The following CPNE4 variants were observed in gnomAD, a reference collection of about 807,000 sequenced individuals.
CPNE4 encodes the protein copine-4.
Under a neutral mutation model 67.9 loss-of-function variants are expected in CPNE4, and 25 were observed. The observed-to-expected ratio is 0.37, with a 90% CI of 0.27 to 0.51. The LOEUF (loss-of-function observed/expected upper bound fraction) is 0.51, where lower values mean the gene tolerates loss of function less well. Ranked by LOEUF, CPNE4 falls within the 20% of genes least tolerant of loss-of-function variation. The pLI is 0.93. For missense variants in CPNE4, 464 were observed against 690.8 expected (o/e 0.67, Z 3.68); for synonymous variants, 242 against 244.9 (o/e 0.99, Z 0.11).
intron 2 of CPNE4, among the ~76,000 whole-genome samples, chr3:131,812,769 T>C (rs1024785086): frequency 1.3e-5 from 2 of 152,106 alleles, no homozygotes; most frequent in African/African-American, 4.8e-5. Flanking sequence ...TCAGGAGCCA[T>C]GGAAGAGTTA....
chr3:131,785,292 CA>C (rs2083528194), intron 2 of CPNE4, among the ~76,000 whole-genome samples: 1 of 152,102 alleles, frequency 6.6e-6, no homozygotes. Flanking sequence ...TTGCTATCCT[CA>C]AACATACAAG....
intron 1 of CPNE4, among the ~76,000 whole-genome samples, chr3:131,940,579 A>T (rs2071357195): frequency 1.3e-5 from 2 of 152,152 alleles, no homozygotes. Flanking sequence ...TAAAAAAATT[A>T]GTCGGGTGTA....
Position 131,995,351 on chromosome 3 carries a change from C to A in CPNE4, c.-2+39216G>T, listed in dbSNP as rs576405662. Among the ~76,000 whole-genome samples, 10 of 152,214 alleles carry A rather than the reference C, an allele frequency of 6.6e-5. No homozygotes were observed. The South Asian group carries it at 2.1e-3, about 32-fold the overall frequency. ...ATTCTTTCTAACTCCAGTATCCAGGCCTTTTCTCATGTGTCTCTAAAAGAT... is the reference window on the plus strand; with the variant it reads ...ATTCTTTCTAACTCCAGTATCCAGGACTTTTCTCATGTGTCTCTAAAAGAT... On this transcript the variant is annotated intron_variant, in intron 1 of 15. Transcript: ENST00000429747.
intron 7 of CPNE4, among the ~76,000 whole-genome samples, chr3:131,628,980 A>G (rs181320168): frequency 6.6e-6 from 1 of 151,968 alleles, no homozygotes; most frequent in Admixed American, 6.5e-5. Context: ...TAGTTCTTTT[A>G]ATTGCGATGT....
At chr3:131,555,177 C>T (rs539102268) in intron 12 of CPNE4, among the ~76,000 whole-genome samples, 9 of 151,980 alleles carry the variant, frequency 5.9e-5, no homozygotes, top group African/African-American at 1.4e-4. Flanking sequence ...AGGGGATATA[C>T]GAGTGAATAG....
At chr3:131,681,292 T>C (rs188274108) in intron 6 of CPNE4, among the ~76,000 whole-genome samples, 131 of 152,332 alleles carry the variant, frequency 8.6e-4, no homozygotes, top group African/African-American at 2.8e-3. Context: ...TTGTTTCAGA[T>C]TGAAGAACTT....
At chr3:131,945,098 G>A (rs1349332161) in intron 1 of CPNE4, among the ~76,000 whole-genome samples, 2 of 152,138 alleles carry the variant, frequency 1.3e-5, no homozygotes, top group Non-Finnish European at 2.9e-5. Context: ...CCTTCAGGAA[G>A]GTAGTTTTCT....
intron 2 of CPNE4, among the ~76,000 whole-genome samples, chr3:131,726,477 G>A (rs370267525): frequency 2.6e-4 from 40 of 152,202 alleles, no homozygotes; most frequent in Middle Eastern, 6.8e-3. Context: ...GGAAAAGCAG[G>A]AAAATGACAA....
intron 2 of CPNE4, among the ~76,000 whole-genome samples, chr3:131,777,689 A>G (rs2083325021): frequency 6.6e-6 from 1 of 152,066 alleles, no homozygotes; most frequent in African/African-American, 2.4e-5. Flanking sequence ...TCCCATTGGT[A>G]TTACACTTTA....
chr3:131,691,627 A>C (rs948518378), intron 5 of CPNE4, among the ~76,000 whole-genome samples: 1 of 152,072 alleles, frequency 6.6e-6, no homozygotes, highest in Non-Finnish European at 1.5e-5. Flanking sequence ...GATCAATTGT[A>C]CTCCAAACCT....
intron 2 of CPNE4, among the ~76,000 whole-genome samples, chr3:131,796,720 G>A (rs1004455695): frequency 2.6e-5 from 4 of 152,064 alleles, no homozygotes; most frequent in Admixed American, 6.5e-5. Context: ...AGGTGCTTCC[G>A]TTCCTGGTAC....
At chr3:131,573,418 G>A (rs1246821839) in intron 10 of CPNE4, among the ~76,000 whole-genome samples, 1 of 152,106 alleles carries the variant, frequency 6.6e-6, no homozygotes. Context: ...GCAGGGCACA[G>A]GGATATCTGA....
chr3:132,022,554 C>T (rs2074021238), intron 1 of CPNE4, among the ~76,000 whole-genome samples: 2 of 123,948 alleles, frequency 1.6e-5, no homozygotes, highest in South Asian at 3.0e-4. Context: ...TTCCTGTACA[C>T]AAAGATGCTA....
chr3:132,001,841 T>G (rs906781989), intron 1 of CPNE4, among the ~76,000 whole-genome samples: 1 of 152,108 alleles, frequency 6.6e-6, no homozygotes, highest in Non-Finnish European at 1.5e-5. Flanking sequence ...TACAGTAGCT[T>G]TTTAAGCTTT....
intron 1 of CPNE4, among the ~76,000 whole-genome samples, chr3:131,979,778 T>G: frequency 6.9e-6 from 1 of 144,110 alleles, no homozygotes; most frequent in African/African-American, 2.4e-5. Flanking sequence ...CTTGTATTTT[T>G]GTTTTATAGG....
chr3:131,581,116 T>G (rs1407224030), intron 9 of CPNE4, among the ~76,000 whole-genome samples: 1 of 152,174 alleles, frequency 6.6e-6, no homozygotes, highest in Non-Finnish European at 1.5e-5. Flanking sequence ...GAGGTTGCAG[T>G]GAGCCGATAT....
intron 1 of CPNE4, among the ~76,000 whole-genome samples, chr3:132,034,090 TGA>T (rs1442492263): frequency 6.6e-6 from 1 of 152,146 alleles, no homozygotes; most frequent in Non-Finnish European, 1.5e-5. Flanking sequence ...GGGAGGAGGT[TGA>T]GAGGCTGAAT....
At chr3:131,689,701 A>G (rs958893404) in intron 5 of CPNE4, among the ~76,000 whole-genome samples, 3 of 152,196 alleles carry the variant, frequency 2.0e-5, no homozygotes, top group African/African-American at 7.2e-5. Context: ...ATATAGTACT[A>G]AAAGTCCTCG....
intron 3 of CPNE4, among the ~76,000 whole-genome samples, chr3:131,707,518 G>T (rs1015630419): frequency 3.3e-5 from 5 of 152,130 alleles, no homozygotes; most frequent in African/African-American, 7.2e-5. Context: ...ATATATTTTT[G>T]GGGGCCACTG....
Sources: allele counts gnomAD v4.1 joint callset (sites outside exome capture counted in the v4.1 genomes callset), GRCh38; gene constraint gnomAD v4.1.1; transcripts MANE v1.5; gene names NCBI Gene and HGNC (gene_info 2026-07-23, HGNC 2026-07-21).